The following PRSS53 variants were observed in gnomAD, a reference collection of about 807,000 sequenced individuals.
PRSS53 encodes serine protease 53.
PRSS53 carries 54 observed loss-of-function variants against 62.7 expected under a neutral mutation model. That is an observed-to-expected ratio of 0.86 (90% CI 0.69 to 1.08). PRSS53 has a LOEUF of 1.08. Ranked by LOEUF, PRSS53 falls within the 50% of genes least tolerant of loss-of-function variation. The probability of loss-of-function intolerance (pLI) is 0.00; values close to 1 mark genes in which losing one functional copy is unlikely to be tolerated. For synonymous variants in PRSS53, 273 were observed against 300.0 expected (o/e 0.91, Z 0.93); for missense variants, 688 against 728.3 (o/e 0.94, Z 0.64).
At chr16:31,084,153 G>A (rs770579035) in exon 10 of PRSS53, 11 of 1,595,538 alleles carry the variant, frequency 6.9e-6, no homozygotes, top group East Asian at 2.3e-5. Flanking sequence ...GCTCAGCCTC[G>A]GGCTCTGGTT....
chr16:31,088,845 C>CT (rs1234090828), exon 1 of PRSS53: 1 of 1,612,194 alleles, frequency 6.2e-7, no homozygotes, highest in East Asian at 2.2e-5. Context: ...GTGCTCCACT[C>CT]TGAGAGAGGC....
intron 6 of PRSS53, among the ~76,000 whole-genome samples, 185 bp downstream of exon 6, chr16:31,085,779 C>T (rs1037664873): frequency 2.0e-5 from 3 of 152,208 alleles, no homozygotes; most frequent in African/African-American, 7.2e-5. Flanking sequence ...CTCACCTAAA[C>T]TCCAAACCTG....
At chr16:31,087,407 G>A (rs760518707) in intron 3 of PRSS53, 130 bp downstream of exon 3, 11 of 677,674 alleles carry the variant, frequency 1.6e-5, no homozygotes, top group Middle Eastern at 4.0e-4. Context: ...TATGTACCCA[G>A]TACATGGCAG....
rs920503247 is a variant in PRSS53 at position 31,084,631 on chromosome 16, G to A, written c.1352C>T (p.Pro451Leu). ...CAGAATAGGGCTGCCATCACCCCCA[G>A]GAGCTGCATGCAGCCGGCTGCAGGC... is the stretch of plus-strand genomic sequence containing the variant. The change falls in exon 9 of 11, where the codon CCT (proline) becomes CTT (leucine). Residue 451 changes from proline (P) to leucine (L), a missense_variant. Physicochemically the swap from Pro to Leu is moderately conservative, Grantham distance 98. Coordinates refer to ENST00000280606, the Ensembl canonical transcript of PRSS53. 17 of 1,608,100 alleles carry A rather than the reference G, an allele frequency of 1.1e-5. No homozygotes were observed. The East Asian group carries it at 1.6e-4, about 15-fold the overall frequency.
At chr16:31,084,742 G>T in intron 8 of PRSS53, 38 bp downstream of exon 8, 1 of 1,597,204 alleles carries the variant, frequency 6.3e-7, no homozygotes, top group Non-Finnish European at 8.5e-7. Flanking sequence ...CGGCCTGCAG[G>T]TTGGATGGAC....
chr16:31,083,582 G>A, exon 11 of PRSS53: 2 of 1,449,014 alleles, frequency 1.4e-6, no homozygotes, highest in Non-Finnish European at 9.1e-7. Context: ...TGGTAGCAGA[G>A]TTGGGTGTGG....
In PRSS53 at chr16:31,085,974, GTCC is replaced by G. The variant is rs777493358; in HGVS notation, c.870_872del (p.Glu290del). 6 of 1,613,506 alleles carry G rather than the reference GTCC, an allele frequency of 3.7e-6. No individual in the cohort carries two copies. In the East Asian group the frequency reaches 1.3e-4, roughly 36 times the overall value. On this transcript the variant is annotated inframe_deletion, in exon 6 of 11. Coordinates refer to ENST00000280606, the Ensembl canonical transcript of PRSS53. ...ATGCCCCACTCGTACCTACACAGCT[GTCC>G]TCATCACTCATCTCCGGGGTCTCTG...
exon 7 of PRSS53, chr16:31,085,138 C>A: frequency 6.2e-7 from 1 of 1,612,362 alleles, no homozygotes; most frequent in Non-Finnish European, 8.5e-7. Flanking sequence ...GCAGTTAGCA[C>A]CGCCTCCTCT....
chr16:31,088,572 C>T, intron 1 of PRSS53, 180 bp downstream of exon 1: 1 of 1,438,146 alleles, frequency 7.0e-7, no homozygotes, highest in Non-Finnish European at 9.1e-7. Flanking sequence ...GAGAAAATCT[C>T]ATCCATGTTG....
At chr16:31,083,850 C>T (rs11865038) in intron 10 of PRSS53, 41 bp from the exon 11 acceptor site, 650,708 of 1,609,334 alleles carry the variant, frequency 0.4, 141,029 homozygotes, top group South Asian at 0.7. Flanking sequence ...CTCATCCTCA[C>T]GGCTTTGGTC....
exon 2 of PRSS53, chr16:31,087,808 C>T (rs1225017732): frequency 1.4e-5 from 23 of 1,613,912 alleles, no homozygotes; most frequent in Admixed American, 3.3e-5. Context: ...GACCTTACCA[C>T]GCTGAGCGGC....
exon 5 of PRSS53, chr16:31,086,474 T>G: frequency 6.2e-7 from 1 of 1,613,442 alleles, no homozygotes; most frequent in Non-Finnish European, 8.5e-7. Context: ...AGGCGCAGAT[T>G]GCGTAGGGTC....
intron 1 of PRSS53, 21 bp from the exon 2 acceptor site, chr16:31,087,847 G>T (rs202147897): frequency 3.1e-5 from 50 of 1,613,514 alleles, no homozygotes; most frequent in Non-Finnish European, 4.2e-5. Context: ...AGAGACACAG[G>T]TAAGATGCAG....
rs371720280 is a variant in PRSS53 at position 31,085,163 on chromosome 16, G to A, written c.981C>T (p.Gly327=). Reference sequence around the variant, plus strand: ...CCGCCTCCTCTGACACCAGGGCTCCGCCACAGGCCAGCTGTCCCTGGTGCA... The same window carrying A: ...CCGCCTCCTCTGACACCAGGGCTCCACCACAGGCCAGCTGTCCCTGGTGCA... Residue 327 remains glycine (G), a synonymous_variant, in exon 7 of 11, where the codon GGC becomes GGT. Transcript: ENST00000280606. 31 of 1,610,544 alleles carry A rather than the reference G, an allele frequency of 1.9e-5. No homozygotes were observed. The South Asian group carries it at 2.9e-4, about 15-fold the overall frequency.
exon 8 of PRSS53, chr16:31,084,829 C>A (rs759408873): frequency 1.9e-6 from 3 of 1,547,094 alleles, no homozygotes; most frequent in Non-Finnish European, 2.6e-6. Context: ...CCCCATCAGG[C>A]AGGTGGTGGT....
Position 31,087,589 on chromosome 16 carries a change from C to T in PRSS53, c.190G>A (p.Gly64Ser), listed in dbSNP as rs537071727. 2.2e-5 allele frequency: 35 copies of T among 1,612,280 alleles called. No individual in the cohort carries two copies. In the Admixed American group the frequency reaches 3.2e-4, roughly 15 times the overall value. ...ACCCAGGTGTCTGCCACCAGGGAGC[C>T]GCTGCAGATGTGGGCTCCTTGCCTC... The change falls in exon 3 of 11, where the codon GGC (glycine) becomes AGC (serine). Residue 64 changes from glycine to serine, a missense_variant. Transcript: ENST00000280606.
chr16:31,084,831 G>A (rs1337726649), exon 8 of PRSS53: 1 of 1,548,926 alleles, frequency 6.5e-7, no homozygotes, highest in Non-Finnish European at 8.7e-7. Context: ...CCATCAGGCA[G>A]GTGGTGGTCA....
At chr16:31,088,515 A>G in intron 1 of PRSS53, 1 of 1,409,640 alleles carries the variant, frequency 7.1e-7, no homozygotes, top group Non-Finnish European at 9.2e-7. Context: ...AGCACCTCAC[A>G]CACACACAAG....
At chr16:31,086,300 C>T in intron 5 of PRSS53, 37 bp downstream of exon 5, 3 of 1,590,776 alleles carry the variant, frequency 1.9e-6, no homozygotes, top group Middle Eastern at 2.0e-4. Flanking sequence ...AGGGTTAGGC[C>T]CCTCCCCTTC....
Sources: gnomAD v4.1 joint callset for allele counts (sites outside exome capture counted in the v4.1 genomes callset) on GRCh38, gnomAD v4.1.1 for gene constraint, MANE v1.5 for transcripts, NCBI Gene and HGNC (gene_info 2026-07-23, HGNC 2026-07-21) for gene names.